Variants in OTUD7A observed in about 807,000 individuals in gnomAD.
The protein encoded by OTUD7A is OTU domain-containing protein 7A.
OTUD7A carries 12 observed loss-of-function variants against 65.7 expected under a neutral mutation model. The observed-to-expected ratio is 0.18, with a 90% CI of 0.12 to 0.30. The LOEUF is 0.30. Ranked by LOEUF, OTUD7A falls within the 10% of genes least tolerant of loss-of-function variation. The pLI is 1.00. For missense variants in OTUD7A, 1,148 were observed against 1,304.8 expected (o/e 0.88, Z 1.85); for synonymous variants, 641 against 586.3 (o/e 1.09, Z -1.35).
At chr15:31,850,559 T>TAAC (rs1414191783) in intron 1 of OTUD7A, among the ~76,000 whole-genome samples, 1 of 151,534 alleles carries the variant, frequency 6.6e-6, no homozygotes, top group East Asian at 1.9e-4. Context: ...TAAAGTATAA[T>TAAC]AATAATAATA....
chr15:31,605,477 T>C (rs1320750146), intron 3 of OTUD7A, among the ~76,000 whole-genome samples: 1 of 152,056 alleles, frequency 6.6e-6, no homozygotes, highest in Non-Finnish European at 1.5e-5. Flanking sequence ...GACGGCTGAT[T>C]CTCCTTGGTG....
chr15:31,540,404 C>A (rs1021085632), intron 5 of OTUD7A, among the ~76,000 whole-genome samples: 4 of 152,164 alleles, frequency 2.6e-5, no homozygotes, highest in African/African-American at 9.7e-5. Flanking sequence ...AGAATCTGGA[C>A]TAGAGTGTCT....
At chr15:31,830,742 A>T (rs1017225622) in intron 1 of OTUD7A, among the ~76,000 whole-genome samples, 4 of 152,242 alleles carry the variant, frequency 2.6e-5, no homozygotes, top group Non-Finnish European at 4.4e-5. Flanking sequence ...TTTACTGAAG[A>T]TGTCCTATGT....
intron 1 of OTUD7A, among the ~76,000 whole-genome samples, chr15:31,694,347 G>C (rs1206878345): frequency 1.3e-5 from 2 of 152,106 alleles, no homozygotes; most frequent in African/African-American, 4.8e-5. Context: ...TTTTCATTCA[G>C]TTCTCCCTCT....
intron 3 of OTUD7A, among the ~76,000 whole-genome samples, chr15:31,584,085 C>G (rs1889454655): frequency 6.6e-6 from 1 of 152,198 alleles, no homozygotes; most frequent in Admixed American, 6.5e-5. Context: ...AGCACAAAGA[C>G]AGCAGGGTGG....
intron 1 of OTUD7A, among the ~76,000 whole-genome samples, chr15:31,736,612 G>A (rs991683074): frequency 2.6e-5 from 4 of 152,058 alleles, no homozygotes; most frequent in African/African-American, 9.7e-5. Flanking sequence ...GTATGTTCCA[G>A]GTGCCATTTC....
chr15:31,590,765 T>C (rs1034534943), intron 3 of OTUD7A, among the ~76,000 whole-genome samples: 2 of 152,076 alleles, frequency 1.3e-5, no homozygotes, highest in East Asian at 3.9e-4. Context: ...GGTAAAAGCG[T>C]TTTCATGGCA....
chr15:31,584,107 A>T (rs530803030), intron 3 of OTUD7A, among the ~76,000 whole-genome samples: 137 of 152,332 alleles, frequency 9.0e-4, no homozygotes, highest in Middle Eastern at 3.4e-3. Flanking sequence ...CTGACCCTTC[A>T]TGACTTATCT....
chr15:31,786,836 C>T (rs182083570), intron 1 of OTUD7A, among the ~76,000 whole-genome samples: 8 of 152,170 alleles, frequency 5.3e-5, no homozygotes, highest in East Asian at 3.9e-4. Flanking sequence ...CCCAGGACCC[C>T]GCAGTGATAT....
At chr15:31,652,557 G>T (rs1279730205) in intron 3 of OTUD7A, among the ~76,000 whole-genome samples, 3 of 152,264 alleles carry the variant, frequency 2.0e-5, no homozygotes, top group African/African-American at 4.8e-5. Flanking sequence ...AGCACAGATT[G>T]GGAGAAGATA....
chr15:31,583,264 G>A (rs1316431799), intron 3 of OTUD7A, among the ~76,000 whole-genome samples: 1 of 152,190 alleles, frequency 6.6e-6, no homozygotes, highest in Non-Finnish European at 1.5e-5. Flanking sequence ...TTCATGCAAG[G>A]TGGAAGATGA....
At chr15:31,814,527 CTT>C (rs397853761) in intron 1 of OTUD7A, among the ~76,000 whole-genome samples, 15 of 144,592 alleles carry the variant, frequency 1.0e-4, no homozygotes, top group Non-Finnish European at 1.2e-4. Context: ...TGCGTAAGTT[CTT>C]TTTTTTTTTT....
intron 9 of OTUD7A, among the ~76,000 whole-genome samples, chr15:31,502,562 C>T (rs946711578): frequency 2.6e-5 from 4 of 152,110 alleles, no homozygotes; most frequent in Non-Finnish European, 4.4e-5. Flanking sequence ...CTTATGAGTT[C>T]CTCCGCCATC....
chr15:31,664,825 G>A (rs1378544281), intron 1 of OTUD7A, among the ~76,000 whole-genome samples: 4 of 152,134 alleles, frequency 2.6e-5, no homozygotes, highest in Non-Finnish European at 5.9e-5. Flanking sequence ...CTCTTGAGTT[G>A]ATTTTTGTAT....
chr15:31,796,524 A>G (rs1895966150), intron 1 of OTUD7A, among the ~76,000 whole-genome samples: 1 of 152,178 alleles, frequency 6.6e-6, no homozygotes, highest in Non-Finnish European at 1.5e-5. Context: ...CTCATCTAAA[A>G]ATTACCTTCA....
At chr15:31,727,398 T>C (rs984903637) in intron 1 of OTUD7A, among the ~76,000 whole-genome samples, 6 of 136,970 alleles carry the variant, frequency 4.4e-5, no homozygotes, top group East Asian at 2.2e-4. Context: ...ATTTAAAACA[T>C]TGATCTCTCC....
At chr15:31,517,144 A>G (rs1478615935) in intron 8 of OTUD7A, among the ~76,000 whole-genome samples, 1 of 152,206 alleles carries the variant, frequency 6.6e-6, no homozygotes, top group Non-Finnish European at 1.5e-5. Flanking sequence ...GCATTAGGAC[A>G]CCTGCCAGGT....
chr15:31,503,100 C>A (rs1327013865), intron 9 of OTUD7A, among the ~76,000 whole-genome samples: 1 of 152,178 alleles, frequency 6.6e-6, no homozygotes, highest in Non-Finnish European at 1.5e-5. Flanking sequence ...TCAGTTTCAT[C>A]TCTGTAAAGT....
chr15:31,808,136 C>CACACACACACACACACACAAAA (rs772574742), intron 1 of OTUD7A, among the ~76,000 whole-genome samples: 6 of 119,512 alleles, frequency 5.0e-5, no homozygotes, highest in Non-Finnish European at 9.6e-5. Context: ...CACACACACA[C>CACACACACACACACACACAAAA]AAACAAATCC....
Sources: allele counts gnomAD v4.1 joint callset (sites outside exome capture counted in the v4.1 genomes callset), GRCh38; gene constraint gnomAD v4.1.1; transcripts MANE v1.5; gene names NCBI Gene and HGNC (gene_info 2026-07-23, HGNC 2026-07-21).